MEF2D: variants seen among roughly 807,000 people sequenced by gnomAD.
MEF2D encodes myocyte enhancer factor 2D.
Under a neutral mutation model 59.3 loss-of-function variants are expected in MEF2D, and 10 were observed. The observed-to-expected ratio is 0.17, with a 90% confidence interval of 0.10 to 0.29. The LOEUF is 0.29. Among genes scored for constraint, MEF2D ranks in the 10% least tolerant of loss-of-function variants. MEF2D has a pLI of 1.00. For synonymous variants in MEF2D, 305 were observed against 295.0 expected, an observed-to-expected ratio of 1.03 and a Z score of -0.35; for missense variants, 508 against 699.4, an observed-to-expected ratio of 0.73 and a Z score of 3.09.
rs1672149473 is a variant in MEF2D at position 156,483,372 on chromosome 1, T to C, written c.-80A>G. On this transcript the variant is annotated 5_prime_UTR_variant, in exon 2 of 12. The change abolishes an upstream ATG in the 5' untranslated region. Coordinates refer to ENST00000348159, the MANE Select transcript of MEF2D (RefSeq NM_005920.4). ...CTCGGCACACCTTACACTGTGCTCA[T>C]GAACGGTCTGGGAACAGTGCTCAGT... 9.7e-6 allele frequency: 13 copies of C among 1,335,142 alleles called. No individual in the cohort carries two copies. The Admixed American group carries it at 1.9e-4, about 19-fold the overall frequency. 82.7% of individuals were successfully genotyped at this position (1,335,142 alleles called of 1,614,324 possible).
intron 3 of MEF2D, 84 bp from the exon 4 acceptor site, chr1:156,481,055 C>A (rs1671980661): frequency 3.8e-6 from 6 of 1,576,488 alleles, no homozygotes; most frequent in Non-Finnish European, 5.2e-6. Context: ...TCCCTAAGGG[C>A]CCCCTACTCT....
At chr1:156,470,782 A>G (rs1169519744) in intron 9 of MEF2D, among the ~76,000 whole-genome samples, 1 of 152,232 alleles carries the variant, frequency 6.6e-6, no homozygotes, top group East Asian at 1.9e-4. Context: ...AAAAGCATGT[A>G]GAACAGTATC....
intron 1 of MEF2D, among the ~76,000 whole-genome samples, chr1:156,486,571 T>C (rs1312677239): frequency 6.6e-6 from 1 of 152,186 alleles, no homozygotes; most frequent in East Asian, 1.9e-4. Context: ...CTTGCAGAGA[T>C]GTAACCTCTG....
chr1:156,477,302 C>G lies in MEF2D; in HGVS notation c.665-100G>C, dbSNP rs979942031. 1.3e-5 allele frequency: 14 copies of G among 1,040,576 alleles called. No individual in the cohort carries two copies. The African/African-American group carries it at 1.5e-4, about 11-fold the overall frequency. 64.5% of individuals were successfully genotyped at this position (1,040,576 alleles called of 1,614,324 possible). On this transcript the variant is annotated intron_variant, in intron 6 of 11. Transcript: ENST00000348159. ...AATACTCCTGTTACCCGGAACCTCT[C>G]AAAGCCATGCTTAGGCTTTGAGTGG...
intron 4 of MEF2D, 182 bp downstream of exon 4, chr1:156,480,652 A>G (rs1035682508): frequency 1.3e-6 from 2 of 1,552,498 alleles, no homozygotes; most frequent in Admixed American, 2.0e-5. Context: ...CGGCCAGTCT[A>G]TAACTCTGCA....
intron 1 of MEF2D, among the ~76,000 whole-genome samples, chr1:156,495,871 C>A (rs1331360607): frequency 6.6e-6 from 1 of 151,704 alleles, no homozygotes; most frequent in Non-Finnish European, 1.5e-5. Flanking sequence ...AGTGACCAGG[C>A]CTAGAGCCCA....
intron 6 of MEF2D, 135 bp downstream of exon 6, chr1:156,479,155 G>T: frequency 3.1e-6 from 2 of 646,582 alleles, no homozygotes; most frequent in Non-Finnish European, 2.5e-6. Flanking sequence ...AAAAATCTCT[G>T]ACTGACTCTT....
chr1:156,482,761 C>T (rs545421661), intron 2 of MEF2D, 121 bp from the exon 3 acceptor site: 2 of 901,138 alleles, frequency 2.2e-6, no homozygotes, highest in South Asian at 1.5e-5. Flanking sequence ...CAGTGTGACA[C>T]AGCCCCTGGT....
At chr1:156,498,482 C>T (rs769915005) in intron 1 of MEF2D, among the ~76,000 whole-genome samples, 8 of 152,060 alleles carry the variant, frequency 5.3e-5, no homozygotes, top group Non-Finnish European at 1.2e-4. Context: ...TGAAGTTGTG[C>T]CTAAAAGAGT....
chr1:156,469,040 GGAT>G lies in MEF2D; in HGVS notation c.1007-23_1007-21del, dbSNP rs1557875879. 1 of 1,576,196 alleles carries G rather than the reference GGAT, an allele frequency of 6.3e-7. No individual in the cohort carries two copies. Among genetic ancestry groups the G allele is most frequent in the Non-Finnish European group, 8.7e-7 (1 of 1,153,922 alleles). ...GGTAATCTGCATGGAGGAAAAGTGA[GGAT>G]GAACCTGGAGTTGGGGAGAGCACAC... On this transcript the variant is annotated intron_variant, in intron 9 of 11. Coordinates refer to ENST00000348159, the MANE Select transcript of MEF2D (RefSeq NM_005920.4).
intron 1 of MEF2D, among the ~76,000 whole-genome samples, chr1:156,489,370 G>A (rs1485685767): frequency 6.6e-6 from 1 of 152,168 alleles, no homozygotes; most frequent in East Asian, 1.9e-4. Flanking sequence ...ACTAACGAGG[G>A]AGGAGGCGTG....
chr1:156,481,045 T>A (rs1671979966), intron 3 of MEF2D, 74 bp from the exon 4 acceptor site: 1 of 1,593,530 alleles, frequency 6.3e-7, no homozygotes, highest in Non-Finnish European at 8.6e-7. Context: ...TTCCAGCCCC[T>A]CCCTAAGGGC....
At chr1:156,497,804 G>A (rs1673217214) in intron 1 of MEF2D, among the ~76,000 whole-genome samples, 1 of 152,046 alleles carries the variant, frequency 6.6e-6, no homozygotes, top group South Asian at 2.1e-4. Context: ...TGCCAACCAG[G>A]GAGAGCAGGG....
chr1:156,485,820 C>T (rs1463452318), intron 1 of MEF2D, among the ~76,000 whole-genome samples: 2 of 151,450 alleles, frequency 1.3e-5, no homozygotes, highest in African/African-American at 4.9e-5. Flanking sequence ...TGAGTGTGTA[C>T]CACCATGCCA....
In MEF2D at chr1:156,468,805, C is replaced by A; in HGVS notation, c.1222G>T (p.Val408Phe). Residue 408 changes from valine to phenylalanine, a missense_variant, in exon 10 of 12, where the codon GTC becomes TTC. Transcript: ENST00000348159. The surrounding 1 kb of genome is among the most constrained non-coding windows in gnomAD (Gnocchi z 4.3). The stretch of plus-strand genomic sequence containing the variant: ...ATGAGGTTGCTGAGAGATACAGGGA[C>A]CAGGTGGGACTGTTGCTGAGGTGGC... ...QQPPQQQSHL[V>F]PVSLSNLIPG... 1 of 1,613,918 alleles carries A rather than the reference C, an allele frequency of 6.2e-7. No individual in the cohort carries two copies. Among genetic ancestry groups the A allele is most frequent in the Non-Finnish European group, 8.5e-7 (1 of 1,179,846 alleles).
chr1:156,479,257 C>T (rs1389533383), intron 6 of MEF2D, 33 bp downstream of exon 6: 4 of 1,582,328 alleles, frequency 2.5e-6, no homozygotes, highest in East Asian at 2.3e-5. Context: ...GGCACCCCTC[C>T]CCACCTCCAG....
Position 156,475,123 on chromosome 1 carries a change from T to C in MEF2D, c.991A>G (p.Thr331Ala). The C allele has an allele frequency of 6.2e-7, 1 of 1,614,168 alleles. No homozygotes were observed. The highest frequency in any genetic ancestry group is 8.5e-7 in the Non-Finnish European group (1 of 1,180,018). The change falls in exon 9 of 12, where the codon ACT (threonine) becomes GCT (alanine). Residue 331 changes from threonine to alanine, a missense_variant. Physicochemically the swap from Thr to Ala is moderately conservative, Grantham distance 58 (BLOSUM62 0). Coordinates refer to ENST00000348159, the MANE Select transcript of MEF2D (RefSeq NM_005920.4). ...SQGLPFSSMP[T>A]AYNTDYQLTS... is the part of the protein sequence containing the mutation. ...GAACACTCACCTGTGTTGTAGGCAG[T>C]GGGCATGGAAGAGAAGGGGAGGCCC...
chr1:156,479,471 C>T (rs1671839373), intron 5 of MEF2D, 115 bp downstream of exon 5: 2 of 1,489,030 alleles, frequency 1.3e-6, no homozygotes, highest in South Asian at 2.4e-5. Context: ...AGGAGCCATA[C>T]AAATGGCGGA....
chr1:156,481,076 C>T, intron 3 of MEF2D, 105 bp from the exon 4 acceptor site: 3 of 1,522,516 alleles, frequency 2.0e-6, no homozygotes, highest in Non-Finnish European at 2.7e-6. Flanking sequence ...TCCCCGACCT[C>T]CTTCTTCAGG....
Sources: gnomAD v4.1 joint callset for allele counts (sites outside exome capture counted in the v4.1 genomes callset) on GRCh38, gnomAD v4.1.1 for gene constraint, Gnocchi (gnomAD v3.1) non-coding constraint, MANE v1.5 for transcripts, NCBI Gene and HGNC (gene_info 2026-07-23, HGNC 2026-07-21) for gene names.